BRI3: variants seen among roughly 807,000 people sequenced by gnomAD.
BRI3 encodes the protein membrane protein BRI3.
Under a neutral mutation model 12.8 loss-of-function variants are expected in BRI3, and 6 were observed. That is an observed-to-expected ratio of 0.47 (90% CI 0.26 to 0.93). BRI3 has a LOEUF of 0.93. BRI3 is among the 40% of genes least tolerant of loss of function. The pLI is 0.15. For synonymous variants in BRI3, 91 were observed against 76.1 expected, an observed-to-expected ratio of 1.20 and a Z score of -1.02; for missense variants, 134 against 171.1, an observed-to-expected ratio of 0.78 and a Z score of 1.21.
chr7:98,306,702 A>G (rs980296400), intron 1 of BRI3: 2 of 863,488 alleles, frequency 2.3e-6, no homozygotes, highest in Non-Finnish European at 3.4e-6. Context: ...AACAATGTGT[A>G]TTGTTAACAA....
chr7:98,283,312 G>A (rs1799594650), intron 2 of BRI3, among the ~76,000 whole-genome samples: 1 of 152,078 alleles, frequency 6.6e-6, no homozygotes, highest in Admixed American at 6.6e-5. Context: ...GTGTGTGTAA[G>A]GCCTAGAGTG....
downstream of BRI3, among the ~76,000 whole-genome samples, chr7:98,315,008 TATGTTC>T (rs1801021461): frequency 6.6e-6 from 1 of 152,252 alleles, no homozygotes; most frequent in Non-Finnish European, 1.5e-5. Flanking sequence ...TATAAGTTTA[TATGTTC>T]AAGTTGGCCA....
At chr7:98,282,056 C>T in intron 1 of BRI3, 119 bp downstream of exon 1, 3 of 1,299,716 alleles carry the variant, frequency 2.3e-6, no homozygotes, top group East Asian at 6.0e-5. Flanking sequence ...CTGGAGGTCC[C>T]CGGGCTGGCT....
At chr7:98,315,685 C>T in the BRI3 span, 11 of 717,194 alleles carry the variant, frequency 1.5e-5, no homozygotes, top group African/African-American at 7.3e-5. Flanking sequence ...TGCAGCCTGA[C>T]GTTTATCTTC....
At chr7:98,287,844 G>T (rs551893560) in intron 2 of BRI3, among the ~76,000 whole-genome samples, 2 of 152,196 alleles carry the variant, frequency 1.3e-5, no homozygotes, top group Non-Finnish European at 2.9e-5. Context: ...TGTCTCTGCT[G>T]CGCCCCATGG....
the BRI3 span, chr7:98,320,295 T>C: frequency 3.1e-6 from 5 of 1,597,854 alleles, no homozygotes; most frequent in Non-Finnish European, 4.3e-6. Context: ...TATGAGGACA[T>C]GTCCTGGGAA....
chr7:98,299,204 A>G (rs1392987580), intron 1 of BRI3, among the ~76,000 whole-genome samples: 1 of 151,802 alleles, frequency 6.6e-6, no homozygotes, highest in African/African-American at 2.4e-5. Flanking sequence ...TTTTTAGTAG[A>G]GACAGGGTTT....
chr7:98,321,161 C>T, the BRI3 span, among the ~76,000 whole-genome samples: 6 of 152,178 alleles, frequency 3.9e-5, no homozygotes, highest in South Asian at 2.1e-4. Context: ...ACCTGGCCCA[C>T]GTGGCCCTTT....
At chr7:98,301,762 C>G (rs953944009), upstream of BRI3, among the ~76,000 whole-genome samples, 2 of 152,092 alleles carry the variant, frequency 1.3e-5, no homozygotes, top group Non-Finnish European at 2.9e-5. Flanking sequence ...CCTGTGGAGG[C>G]AGCCGGGGAC....
At chr7:98,321,407 C>G in the BRI3 span, among the ~76,000 whole-genome samples, 1 of 152,134 alleles carries the variant, frequency 6.6e-6, no homozygotes, top group Non-Finnish European at 1.5e-5. Context: ...CCAGGGGAAC[C>G]CGCAGCAGGA....
At chr7:98,297,152 C>T (rs34129434), downstream of BRI3, among the ~76,000 whole-genome samples, 61,258 of 152,178 alleles carry the variant, frequency 0.4, 13,449 homozygotes, top group Middle Eastern at 0.54. Flanking sequence ...GGCCACCAAG[C>T]GGCTGACTGC....
intron 1 of BRI3, among the ~76,000 whole-genome samples, chr7:98,299,739 T>A (rs1800342143): frequency 6.6e-6 from 1 of 152,190 alleles, no homozygotes; most frequent in African/African-American, 2.4e-5. Flanking sequence ...TAGCTGTATA[T>A]GGCTACTTAA....
At chr7:98,300,040 C>CATAA (rs771925010) in intron 1 of BRI3, among the ~76,000 whole-genome samples, 2 of 152,138 alleles carry the variant, frequency 1.3e-5, no homozygotes, top group Non-Finnish European at 2.9e-5. Flanking sequence ...GACTCCGTCT[C>CATAA]ATAAATAAAT....
At chr7:98,294,231 G>A, downstream of BRI3, 3 of 1,016,070 alleles carry the variant, frequency 3.0e-6, no homozygotes, top group Non-Finnish European at 4.4e-6. Flanking sequence ...GAGCTCACGT[G>A]ATCCTTCCAC....
Position 98,300,040 on chromosome 7 carries a change from CATAA to C in BRI3, c.72-6429_72-6426del, listed in dbSNP as rs771925010. Reference sequence around the variant, plus strand: ...TGGGCGACAGAGCAAGACTCCGTCTCATAAATAAATAAATAAACAAACAAACAAA... The same window carrying C: ...TGGGCGACAGAGCAAGACTCCGTCTCATAAATAAATAAACAAACAAACAAA... On this transcript the variant is annotated intron_variant and NMD_transcript_variant, in intron 1 of 2. Coordinates refer to the BRI3 transcript ENST00000491463. 4.9e-4 allele frequency among the ~76,000 whole-genome samples: 75 copies of C among 152,256 alleles called. 1 individual carries two copies. In the Middle Eastern group the frequency reaches 0.014, roughly 28 times the overall value.
At chr7:98,315,720 T>C in the BRI3 span, 1 of 466,780 alleles carries the variant, frequency 2.1e-6, no homozygotes, top group East Asian at 4.3e-5. Context: ...CTGCTTTATT[T>C]GAATAATAGA....
the BRI3 span, chr7:98,315,621 A>AT: frequency 0.41 from 501,885 of 1,225,738 alleles, 118,814 homozygotes; most frequent in Middle Eastern, 0.48. Flanking sequence ...TACTAAAAAA[A>AT]AAAAAATAAT....
chr7:98,310,772 C>T (rs895241210), downstream of BRI3, among the ~76,000 whole-genome samples: 4 of 151,960 alleles, frequency 2.6e-5, no homozygotes, highest in Admixed American at 6.6e-5. Context: ...CTGCAACCTC[C>T]GCCTCCCAGT....
chr7:98,304,312 G>C (rs955387574), upstream of BRI3: 2 of 1,613,284 alleles, frequency 1.2e-6, no homozygotes, highest in Non-Finnish European at 1.7e-6. Flanking sequence ...TAGTCGGGTG[G>C]GGGGATGACA....
Sources: allele counts gnomAD v4.1 joint callset (sites outside exome capture counted in the v4.1 genomes callset), GRCh38; gene constraint gnomAD v4.1.1; transcripts MANE v1.5; gene names NCBI Gene and HGNC (gene_info 2026-07-23, HGNC 2026-07-21).